Variants in FHIT observed in about 807,000 individuals in gnomAD.
The protein encoded by FHIT is bis(5'-adenosyl)-triphosphatase.
Under a neutral mutation model 17.9 loss-of-function variants are expected in FHIT, and 19 were observed. The observed-to-expected ratio is 1.06, with a 90% CI of 0.74 to 1.56. The LOEUF (loss-of-function observed/expected upper bound fraction) is 1.56. FHIT is among the 40% of genes most tolerant of loss of function. The probability of loss-of-function intolerance (pLI) is 0.00; values close to 1 mark genes in which losing one functional copy is unlikely to be tolerated. For synonymous variants in FHIT, 81 were observed against 69.7 expected, an observed-to-expected ratio of 1.16 and a Z score of -0.81; for missense variants, 248 against 189.2, an observed-to-expected ratio of 1.31 and a Z score of -1.82.
intron 7 of FHIT, among the ~76,000 whole-genome samples, chr3:60,004,150 G>A (rs1363976490): frequency 6.6e-6 from 1 of 151,924 alleles, no homozygotes; most frequent in Non-Finnish European, 1.5e-5. Context: ...ACATTTAGGT[G>A]GTATTTTAGG....
At chr3:61,203,725 A>C (rs2039109156) in intron 1 of FHIT, among the ~76,000 whole-genome samples, 2 of 152,224 alleles carry the variant, frequency 1.3e-5, no homozygotes, top group Non-Finnish European at 2.9e-5. Context: ...ATCATATGGA[A>C]TAAAGAAGGG....
At chr3:59,820,216 G>C (rs73841169) in intron 8 of FHIT, among the ~76,000 whole-genome samples, 1,751 of 152,286 alleles carry the variant, frequency 0.011, 28 homozygotes, top group African/African-American at 0.04. Flanking sequence ...ATCTAGCCTA[G>C]AGAAGTACAA....
intron 3 of FHIT, among the ~76,000 whole-genome samples, chr3:60,887,712 G>C (rs1472009918): frequency 1.3e-5 from 2 of 152,148 alleles, no homozygotes; most frequent in South Asian, 2.1e-4. Context: ...ACCAAAAAAG[G>C]GTTCTGACTT....
At chr3:60,511,698 C>T (rs28473445) in intron 5 of FHIT, among the ~76,000 whole-genome samples, 26,968 of 152,060 alleles carry the variant, frequency 0.18, 2,394 homozygotes, top group Admixed American at 0.21. Context: ...TAGCCATGAG[C>T]ACACTTAATG....
intron 5 of FHIT, among the ~76,000 whole-genome samples, chr3:60,014,988 G>T (rs958224438): frequency 6.6e-6 from 1 of 152,154 alleles, no homozygotes; most frequent in Admixed American, 6.5e-5. Flanking sequence ...TAACATTTCA[G>T]TCACTATACA....
intron 7 of FHIT, among the ~76,000 whole-genome samples, chr3:59,937,311 G>A (rs909678167): frequency 6.6e-6 from 1 of 152,158 alleles, no homozygotes; most frequent in African/African-American, 2.4e-5. Flanking sequence ...AAGATGCCAG[G>A]AGAAATGAAG....
At chr3:59,773,867 C>G (rs1418878930) in intron 8 of FHIT, among the ~76,000 whole-genome samples, 1 of 152,140 alleles carries the variant, frequency 6.6e-6, no homozygotes, top group Non-Finnish European at 1.5e-5. Flanking sequence ...CTTGTCTGAA[C>G]TGAGAGGTAT....
intron 4 of FHIT, among the ~76,000 whole-genome samples, chr3:60,702,488 G>T (rs142082866): frequency 5.3e-5 from 8 of 150,966 alleles, no homozygotes; most frequent in Admixed American, 5.3e-4. Context: ...TTGTTAAATT[G>T]TTACTAAGGA....
chr3:60,207,261 TTTAG>T (rs1298423184), intron 5 of FHIT, among the ~76,000 whole-genome samples: 1 of 152,120 alleles, frequency 6.6e-6, no homozygotes, highest in Non-Finnish European at 1.5e-5. Flanking sequence ...AATATTTACT[TTTAG>T]TTAAGAAAAT....
chr3:60,804,923 T>TAGTC (rs1280892396), intron 4 of FHIT, among the ~76,000 whole-genome samples: 1 of 152,232 alleles, frequency 6.6e-6, no homozygotes, highest in Non-Finnish European at 1.5e-5. Flanking sequence ...TGCAAACAAA[T>TAGTC]GACTGTGTTT....
At chr3:60,698,242 T>TC (rs1553701197) in intron 4 of FHIT, among the ~76,000 whole-genome samples, 1 of 151,986 alleles carries the variant, frequency 6.6e-6, no homozygotes, top group African/African-American at 2.4e-5. Flanking sequence ...GCTTTTTTTT[T>TC]CCTTTCCAGG....
chr3:60,239,221 C>T (rs1704979284), intron 5 of FHIT, among the ~76,000 whole-genome samples: 1 of 152,102 alleles, frequency 6.6e-6, no homozygotes, highest in Non-Finnish European at 1.5e-5. Context: ...ATACTTGTTT[C>T]TGCTTTGGTC....
At chr3:60,130,796 C>CACACATATATGTGTGTGTGTGTGTGTAT (rs1699524562) in intron 5 of FHIT, among the ~76,000 whole-genome samples, 1 of 132,862 alleles carries the variant, frequency 7.5e-6, no homozygotes. Flanking sequence ...TGTGTATATA[C>CACACATATATGTGTGTGTGTGTGTGTAT]ACACATATAT....
intron 2 of FHIT, among the ~76,000 whole-genome samples, chr3:61,177,802 T>G (rs1422505226): frequency 6.6e-6 from 1 of 152,226 alleles, no homozygotes; most frequent in African/African-American, 2.4e-5. Flanking sequence ...CACTGGACTC[T>G]GAAGCAATGT....
chr3:60,112,016 A>G (rs769751594), intron 5 of FHIT, among the ~76,000 whole-genome samples: 7 of 152,252 alleles, frequency 4.6e-5, no homozygotes, highest in Non-Finnish European at 1.0e-4. Context: ...GGCATAAACC[A>G]TAAGAGAAAT....
chr3:60,534,439 C>CAAAAAAAAAAAAAAAAA (rs563992117), intron 5 of FHIT, among the ~76,000 whole-genome samples: 12 of 32,390 alleles, frequency 3.7e-4, no homozygotes, highest in Non-Finnish European at 4.7e-4. Context: ...GACTCCGTCT[C>CAAAAAAAAAAAAAAAAA]AAAAAAAAAA....
intron 4 of FHIT, among the ~76,000 whole-genome samples, chr3:60,672,874 C>T (rs372095519): frequency 5.0e-5 from 7 of 139,476 alleles, no homozygotes; most frequent in African/African-American, 1.1e-4. Context: ...CTCTTTGTAG[C>T]GTGTGTGTGT....
At chr3:60,672,156 A>G (rs2040521180) in intron 4 of FHIT, among the ~76,000 whole-genome samples, 1 of 152,296 alleles carries the variant, frequency 6.6e-6, no homozygotes, top group East Asian at 1.9e-4. Flanking sequence ...TTTAAAGTGC[A>G]TATGTTGTAG....
chr3:60,459,321 T>C (rs751432474), intron 5 of FHIT, among the ~76,000 whole-genome samples: 11 of 152,142 alleles, frequency 7.2e-5, no homozygotes, highest in South Asian at 2.1e-4. Context: ...TATGCCATAA[T>C]GCAAAGGTAT....
Sources: allele counts gnomAD v4.1 joint callset (sites outside exome capture counted in the v4.1 genomes callset), GRCh38; gene constraint gnomAD v4.1.1; transcripts MANE v1.5; gene names NCBI Gene and HGNC (gene_info 2026-07-23, HGNC 2026-07-21).